The following TMEM87A variants were observed in gnomAD, a reference collection of about 807,000 sequenced individuals.
TMEM87A encodes Golgi-pH regulating cation channel.
A neutral mutation model predicts 90.0 loss-of-function variants in TMEM87A; 50 were observed. The ratio of observed to expected loss-of-function variants is 0.56; its 90% confidence interval spans 0.44 to 0.70. The LOEUF is 0.70. Among genes scored for constraint, TMEM87A ranks in the 30% least tolerant of loss-of-function variants. TMEM87A has a pLI of 0.00. For missense variants in TMEM87A, 577 were observed against 660.5 expected, an observed-to-expected ratio of 0.87 and a Z score of 1.39; for synonymous variants, 226 against 226.7, an observed-to-expected ratio of 1.00 and a Z score of 0.03.
intron 11 of TMEM87A, among the ~76,000 whole-genome samples, chr15:42,232,560 G>A (rs957996416): frequency 2.0e-5 from 3 of 151,812 alleles, no homozygotes; most frequent in Non-Finnish European, 2.9e-5. Context: ...TGCAAGCTCC[G>A]CCTCCCGAGT....
In TMEM87A at chr15:42,220,123, T is replaced by C; in HGVS notation, c.1416A>G (p.Ser472=). 1 of 1,605,708 alleles carries C rather than the reference T, an allele frequency of 6.2e-7. No individual in the cohort carries two copies. The highest frequency in any genetic ancestry group is 8.5e-7 in the Non-Finnish European group (1 of 1,177,580). The change falls in exon 16 of 20, where the codon TCA becomes TCG. Residue 472 remains serine (S), a synonymous_variant. Transcript: ENST00000389834. ...PSANNQRFAF[S]PLSEEEEEDE... ...CCTCCTCCTCTTCCTCAGACAATGG[T>C]GAAAAGGCAAACCTAACAGAACCAA... is the stretch of plus-strand genomic sequence containing the variant.
rs145708642 is a variant in TMEM87A, at chr15:42,268,673, C to CATAAATAAATAAATAA, written c.206-657_206-642dup. Among the ~76,000 whole-genome samples the CATAAATAAATAAATAA allele has an allele frequency of 2.4e-3, 361 of 151,274 alleles. 2 individuals carry two copies. Among genetic ancestry groups the CATAAATAAATAAATAA allele is most frequent in the African/African-American group, 8.3e-3 (338 of 40,960 alleles). ...CAGAGCGAGACCCTGTCTCAAAAAA[C>CATAAATAAATAAATAA]ATAAATAAATAAATAAATAAATAAA... On this transcript the variant is annotated intron_variant, in intron 2 of 19. Coordinates refer to ENST00000389834, the MANE Select transcript of TMEM87A (RefSeq NM_015497.5).
intron 6 of TMEM87A, among the ~76,000 whole-genome samples, chr15:42,246,327 G>A (rs917767419): frequency 6.6e-6 from 1 of 152,026 alleles, no homozygotes; most frequent in Non-Finnish European, 1.5e-5. Context: ...TTAAGTTCTA[G>A]GGTACATGTG....
At chr15:42,249,381 C>T (rs959954903) in intron 6 of TMEM87A, among the ~76,000 whole-genome samples, 5 of 152,090 alleles carry the variant, frequency 3.3e-5, no homozygotes, top group African/African-American at 1.2e-4. Flanking sequence ...GTTAGGGTGT[C>T]GATTTTAGAT....
intron 15 of TMEM87A, 94 bp from the exon 16 acceptor site, chr15:42,220,229 A>C: frequency 1.2e-6 from 1 of 823,414 alleles, no homozygotes; most frequent in Non-Finnish European, 2.0e-6. Context: ...TTGAAACTGC[A>C]ATTATAGTAA....
chr15:42,231,252 A>G lies in TMEM87A; in HGVS notation c.1071T>C (p.Thr357=). The G allele has an allele frequency of 6.3e-7, 1 of 1,575,810 alleles. No individual in the cohort carries two copies. The highest frequency in any genetic ancestry group is 1.4e-5 in the African/African-American group (1 of 72,348). ...EGVLRVTGAQ[T]DLASLAFIPL... ...GGATAAAGGCCAAGGAAGCAAGATCAGTCTGGGCCTGCAGACAAAGAAAAA... is the reference window on the plus strand; with the variant it reads ...GGATAAAGGCCAAGGAAGCAAGATCGGTCTGGGCCTGCAGACAAAGAAAAA... The change falls in exon 12 of 20, where the codon ACT becomes ACC. Residue 357 remains threonine, a synonymous_variant. Coordinates refer to ENST00000389834, the MANE Select transcript of TMEM87A (RefSeq NM_015497.5).
At chr15:42,258,624 A>C (rs2051227992) in intron 6 of TMEM87A, 1 of 722,072 alleles carries the variant, frequency 1.4e-6, no homozygotes, top group Admixed American at 5.2e-5. Flanking sequence ...ACAAAGTTTC[A>C]CCACATTGGC....
At chr15:42,226,211 G>C (rs1466978937) in intron 15 of TMEM87A, among the ~76,000 whole-genome samples, 2 of 151,686 alleles carry the variant, frequency 1.3e-5, no homozygotes, top group South Asian at 4.2e-4. Context: ...CGGTGGTCAG[G>C]CTGGTCTCGA....
intron 1 of TMEM87A, 111 bp from the exon 2 acceptor site, chr15:42,272,234 C>T (rs2051548755): frequency 2.9e-6 from 2 of 701,604 alleles, no homozygotes; most frequent in South Asian, 2.0e-5. Flanking sequence ...CTTTATGGGA[C>T]GTACCCCTTA....
intron 10 of TMEM87A, among the ~76,000 whole-genome samples, chr15:42,233,659 C>G (rs1005768474): frequency 6.6e-6 from 1 of 152,184 alleles, no homozygotes; most frequent in Non-Finnish European, 1.5e-5. Flanking sequence ...CCTTTCCACC[C>G]TTTCATATTC....
At chr15:42,235,600 T>C (rs1479288514) in intron 10 of TMEM87A, among the ~76,000 whole-genome samples, 1 of 152,190 alleles carries the variant, frequency 6.6e-6, no homozygotes, top group African/African-American at 2.4e-5. Flanking sequence ...CAAATTCCAC[T>C]GGTTCCACCT....
intron 2 of TMEM87A, among the ~76,000 whole-genome samples, chr15:42,271,063 A>G (rs2051513936): frequency 6.6e-6 from 1 of 152,228 alleles, no homozygotes; most frequent in African/African-American, 2.4e-5. Context: ...TTTATCCCTC[A>G]TCTAGAAATA....
intron 3 of TMEM87A, among the ~76,000 whole-genome samples, chr15:42,266,470 C>T (rs561205970): frequency 4.0e-5 from 6 of 150,954 alleles, no homozygotes; most frequent in Non-Finnish European, 8.8e-5. Flanking sequence ...GAGCTGAGAT[C>T]GCGCCACTGC....
chr15:42,236,045 CGGAAGTATGGAATACATTT>C (rs1468987119), intron 10 of TMEM87A, among the ~76,000 whole-genome samples: 1 of 151,912 alleles, frequency 6.6e-6, no homozygotes, highest in East Asian at 1.9e-4. Context: ...GAAATATATT[CGGAAGTATGGAATACATTT>C]GGATTTGGAA....
rs771595390 is a variant in TMEM87A, at chr15:42,211,700, C to G, written c.*8G>C. ...GTAGCCATCTTTAACTGCAAATCTT[C>G]CCATTCCTTACTCCATTTTGGACCT... On this transcript the variant is annotated 3_prime_UTR_variant, in exon 20 of 20. Transcript: ENST00000389834. 1 of 1,613,314 alleles carries G rather than the reference C, an allele frequency of 6.2e-7. No individual in the cohort carries two copies.
chr15:42,218,250 G>T, intron 18 of TMEM87A, 73 bp downstream of exon 18: 4 of 1,407,712 alleles, frequency 2.8e-6, no homozygotes, highest in South Asian at 2.4e-5. Flanking sequence ...AGTATAACTT[G>T]CTCATTTAAA....
intron 10 of TMEM87A, 75 bp from the exon 11 acceptor site, chr15:42,233,381 GTTAA>G (rs1202503337): frequency 1.2e-5 from 13 of 1,119,128 alleles, no homozygotes; most frequent in Admixed American, 1.9e-5. Flanking sequence ...AGGAACTTGT[GTTAA>G]TTAATATAGG....
intron 19 of TMEM87A, among the ~76,000 whole-genome samples, chr15:42,214,429 C>A (rs188708020): frequency 1.3e-5 from 2 of 152,246 alleles, no homozygotes; most frequent in East Asian, 3.9e-4. Context: ...CAAAAATCTT[C>A]AATGAAACAA....
At chr15:42,238,473 G>A (rs913486991) in intron 8 of TMEM87A, among the ~76,000 whole-genome samples, 20 of 152,172 alleles carry the variant, frequency 1.3e-4, no homozygotes, top group African/African-American at 4.8e-4. Flanking sequence ...AGGAGGCTGA[G>A]GCAGGAGAAT....
Sources: allele counts gnomAD v4.1 joint callset (sites outside exome capture counted in the v4.1 genomes callset), GRCh38; gene constraint gnomAD v4.1.1; transcripts MANE v1.5; gene names NCBI Gene and HGNC (gene_info 2026-07-23, HGNC 2026-07-21).